RETNLB: variants seen among roughly 807,000 people sequenced by gnomAD.
The protein encoded by RETNLB is resistin like beta.
RETNLB carries 11 observed loss-of-function variants against 6.8 expected under a neutral mutation model. The ratio of observed to expected loss-of-function variants is 1.62; its 90% CI spans 1.02 to 2.68. The LOEUF (loss-of-function observed/expected upper bound fraction) is 2.68, where lower values mean the gene tolerates loss of function less well. Ranked by LOEUF, RETNLB falls within the 30% of genes most tolerant of loss-of-function variation. The pLI is 0.00. For synonymous variants in RETNLB, 57 were observed against 54.2 expected (o/e 1.05, Z -0.23); for missense variants, 146 against 135.7 (o/e 1.08, Z -0.38).
chr3:108,757,125 C>G lies in RETNLB; in HGVS notation c.61G>C (p.Gly21Arg). The G allele has an allele frequency of 6.2e-7, 1 of 1,613,284 alleles. No homozygotes were observed. Among genetic ancestry groups the G allele is most frequent in the Non-Finnish European group, 8.5e-7 (1 of 1,179,682 alleles). The stretch of plus-strand genomic sequence containing the variant: ...GAGTCTAAGGAACACTGAGTACTCC[C>G]CGGGTTGATCAGCTGGAGAAGGGGG... ...LIPLLQLINP[G>R]STQCSLDSVM... Residue 21 changes from glycine to arginine, a missense_variant, in exon 1 of 3, where the codon GGG becomes CGG. Gly to Arg is a moderately radical substitution (Grantham distance 125). Transcript: ENST00000295755.
In RETNLB at chr3:108,755,924, C is replaced by T. The variant is rs1409659637; in HGVS notation, c.209-19G>A. The T allele has an allele frequency of 1.1e-5, 17 of 1,613,992 alleles. No homozygotes were observed. Among genetic ancestry groups the T allele is most frequent in the Non-Finnish European group, 1.4e-5 (17 of 1,179,998 alleles). On this transcript the variant is annotated intron_variant, in intron 2 of 2. Transcript: ENST00000295755. ...GCCATCCCTGCATGAGCACATGAAG[C>T]ACAGACATCAGAGCTCTTGGAATTT...
chr3:108,756,204 G>A (rs1431803154), intron 2 of RETNLB, among the ~76,000 whole-genome samples: 1 of 152,150 alleles, frequency 6.6e-6, no homozygotes, highest in Non-Finnish European at 1.5e-5. Context: ...CAAAACAGAG[G>A]AATAGATTGG....
At chr3:108,756,806 A>G (rs1271013320) in intron 1 of RETNLB, 1 of 593,976 alleles carries the variant, frequency 1.7e-6, no homozygotes, top group African/African-American at 1.9e-5. Flanking sequence ...ATCTACGTAA[A>G]ACTTGGATTA....
At chr3:108,756,718 G>T (rs1413382153) in intron 1 of RETNLB, 130 bp from the exon 2 acceptor site, 1 of 677,734 alleles carries the variant, frequency 1.5e-6, no homozygotes, top group East Asian at 2.7e-5. Context: ...CAGCTTTTAA[G>T]GTTAGTTTCC....
chr3:108,756,563 C>CT lies in RETNLB; in HGVS notation c.152dup (p.Lys52GlufsTer6). On this transcript the variant is annotated frameshift_variant, in exon 2 of 3. Transcript: ENST00000295755. LOFTEE classifies it high-confidence loss of function. The stretch of plus-strand genomic sequence containing the variant: ...TTTTGACACTAGCACACGAGAGCTT[C>CT]TTGCTTATAGGAGAGGGACTGTACT... 1 of 1,613,282 alleles carries CT rather than the reference C, an allele frequency of 6.2e-7. No individual in the cohort carries two copies. The highest frequency in any genetic ancestry group is 8.5e-7 in the Non-Finnish European group (1 of 1,179,278).
chr3:108,756,565 T>G lies in RETNLB; in HGVS notation c.151A>C (p.Lys51Gln), dbSNP rs2107482629. Residue 51 changes from lysine to glutamine, a missense_variant, in exon 2 of 3, where the codon AAG becomes CAG. Transcript: ENST00000295755. Reference sequence around the variant, plus strand: ...TTGACACTAGCACACGAGAGCTTCTTGCTTATAGGAGAGGGACTGTACTCT... The same window carrying G: ...TTGACACTAGCACACGAGAGCTTCTGGCTTATAGGAGAGGGACTGTACTCT... ...SLEYSPSPIS[K>Q]KLSCASVKSQ... The G allele has an allele frequency of 2.5e-6, 4 of 1,613,114 alleles. No homozygotes were observed. In the Middle Eastern group the frequency reaches 5.0e-4, roughly 200 times the overall value.
rs1576500341 is a variant in RETNLB at position 108,756,846 on chromosome 3, T to C, written c.127+213A>G. The C allele has an allele frequency of 6.6e-6, 4 of 605,320 alleles. No individual in the cohort carries two copies. In the East Asian group the frequency reaches 1.1e-4, roughly 17 times the overall value. 37.5% of individuals were successfully genotyped at this position (605,320 alleles called of 1,614,324 possible). A position where few individuals can be genotyped will look rare whatever the true frequency, so the allele number is the denominator to read the frequency against. ...TGGTTCATAATGAGTGTTCATAAAT[T>C]ACAGCTACCATTCTCCTCCACCTCT... On this transcript the variant is annotated intron_variant, in intron 1 of 2. Transcript: ENST00000295755.
Position 108,757,050 on chromosome 3 carries a change from G to A in RETNLB, c.127+9C>T. 6.2e-7 allele frequency: 1 copy of A among 1,612,372 alleles called. No homozygotes were observed. The highest frequency in any genetic ancestry group is 8.5e-7 in the Non-Finnish European group (1 of 1,179,040). Reference sequence around the variant, plus strand: ...TCAACCCCCCGCTTCCCCTACCCCAGTCAGTTACCTAGACTGTTGAGAACA... The same window carrying A: ...TCAACCCCCCGCTTCCCCTACCCCAATCAGTTACCTAGACTGTTGAGAACA... On this transcript the variant is annotated intron_variant, in intron 1 of 2. Coordinates refer to ENST00000295755, the MANE Select transcript of RETNLB (RefSeq NM_032579.3).
chr3:108,756,402 C>T (rs1257573843), intron 2 of RETNLB, 106 bp downstream of exon 2: 2 of 789,582 alleles, frequency 2.5e-6, no homozygotes, highest in Admixed American at 1.9e-5. Flanking sequence ...CCCCAGGGTG[C>T]CAGGGTGATA....
In RETNLB at chr3:108,757,073, A is replaced by C. The variant is rs756736613; in HGVS notation, c.113T>G (p.Val38Gly). 7 of 1,613,582 alleles carry C rather than the reference A, an allele frequency of 4.3e-6. No homozygotes were observed. Among genetic ancestry groups the C allele is most frequent in the Admixed American group, 1.7e-5 (1 of 59,962 alleles). The change falls in exon 1 of 3, where the codon GTT becomes GGT. Residue 38 changes from valine (V) to glycine (G), a missense_variant. Physicochemically the swap from Val to Gly is moderately radical, Grantham distance 109 (BLOSUM62 -3). Coordinates refer to ENST00000295755, the MANE Select transcript of RETNLB (RefSeq NM_032579.3). ...DSVMDKKIKD[V>G]LNSLEYSPSP... is the part of the protein sequence containing the mutation. ...CAGTCAGTTACCTAGACTGTTGAGA[A>C]CATCCTTGATCTTCTTATCCATAAC...
chr3:108,756,060 A>C (rs1249161626), intron 2 of RETNLB, among the ~76,000 whole-genome samples, 155 bp from the exon 3 acceptor site: 1 of 152,208 alleles, frequency 6.6e-6, no homozygotes, highest in Non-Finnish European at 1.5e-5. Context: ...ATTTCAAGAA[A>C]AGAAATACAG....
rs1267641495 is a variant in RETNLB at position 108,757,125 on chromosome 3, C to T, written c.61G>A (p.Gly21Arg). The T allele has an allele frequency of 6.2e-7, 1 of 1,613,164 alleles. No homozygotes were observed. The highest frequency in any genetic ancestry group is 2.2e-5 in the East Asian group (1 of 44,876). ...LIPLLQLINP[G>R]STQCSLDSVM... ...GAGTCTAAGGAACACTGAGTACTCC[C>T]CGGGTTGATCAGCTGGAGAAGGGGG... Residue 21 changes from glycine to arginine, a missense_variant, in exon 1 of 3, where the codon GGG becomes AGG. Physicochemically the swap from Gly to Arg is moderately radical, Grantham distance 125. Coordinates refer to ENST00000295755, the MANE Select transcript of RETNLB (RefSeq NM_032579.3).
Position 108,755,750 on chromosome 3 carries a change from C to G in RETNLB, c.*28G>C, listed in dbSNP as rs535203636. The G allele has an allele frequency of 6.2e-7, 1 of 1,610,056 alleles. No individual in the cohort carries two copies. The highest frequency in any genetic ancestry group is 1.1e-5 in the South Asian group (1 of 90,970). ...CCTGGTTTCATTACTGTCATGGTCA[C>G]AAAACTGAGTTCTCAGCCTCCTCCC... On this transcript the variant is annotated 3_prime_UTR_variant, in exon 3 of 3. Coordinates refer to ENST00000295755, the MANE Select transcript of RETNLB (RefSeq NM_032579.3).
intron 2 of RETNLB, 114 bp downstream of exon 2, chr3:108,756,394 C>G (rs1218365728): frequency 1.3e-6 from 1 of 741,608 alleles, no homozygotes; most frequent in African/African-American, 1.7e-5. Context: ...TGACTCAGCC[C>G]CAGGGTGCCA....
At position 108,756,543 on chromosome 3, in the gene RETNLB, A is replaced by T. The variant is rs1945251501; in HGVS notation, c.173T>A (p.Val58Asp). 6.2e-7 allele frequency: 1 copy of T among 1,613,508 alleles called. No homozygotes were observed. Among genetic ancestry groups the T allele is most frequent in the African/African-American group, 1.3e-5 (1 of 74,904 alleles). Residue 58 changes from valine to aspartate, a missense_variant, in exon 2 of 3, where the codon GTC becomes GAC. Val to Asp is a radical substitution (Grantham distance 152). Coordinates refer to ENST00000295755, the MANE Select transcript of RETNLB (RefSeq NM_032579.3). ...PISKKLSCASVKSQGRPSSCP... is the reference protein window; with the variant it reads ...PISKKLSCASDKSQGRPSSCP... ...GGAGGACGGTCTGCCTTGGCTTTTG[A>T]CACTAGCACACGAGAGCTTCTTGCT... is the stretch of plus-strand genomic sequence containing the variant.
chr3:108,757,222 G>T lies in RETNLB; in HGVS notation c.-37C>A, dbSNP rs1266583104. ...TCAGTGTCCTGGGGCTGGGAGAAAA[G>T]ATGGAAAGCAGCTTAGATCTCTGAG... On this transcript the variant is annotated 5_prime_UTR_variant, in exon 1 of 3. Transcript: ENST00000295755. 6.3e-7 allele frequency: 1 copy of T among 1,592,896 alleles called. No homozygotes were observed. Among genetic ancestry groups the T allele is most frequent in the Non-Finnish European group, 8.6e-7 (1 of 1,168,872 alleles).
Position 108,755,718 on chromosome 3 carries a change from T to C in RETNLB, c.*60A>G. 1 of 1,585,288 alleles carries C rather than the reference T, an allele frequency of 6.3e-7. No individual in the cohort carries two copies. The highest frequency in any genetic ancestry group is 1.1e-5 in the South Asian group (1 of 89,112). On this transcript the variant is annotated 3_prime_UTR_variant, in exon 3 of 3. Transcript: ENST00000295755. ...GGGACGTTTGAGTTAGATTTCTTGG[T>C]TGGGACCCTGGTTTCATTACTGTCA...
At position 108,756,651 on chromosome 3, in the gene RETNLB, C is replaced by A. The variant is rs958729412; in HGVS notation, c.128-63G>T. Reference sequence around the variant, plus strand: ...ATCCTCCCCATAATCCCCTTATCCCCTTCCAAATTGTCTTCTACCTTGGAG... The same window carrying A: ...ATCCTCCCCATAATCCCCTTATCCCATTCCAAATTGTCTTCTACCTTGGAG... On this transcript the variant is annotated intron_variant, in intron 1 of 2. Coordinates refer to ENST00000295755, the MANE Select transcript of RETNLB (RefSeq NM_032579.3). The A allele has an allele frequency of 9.2e-6, 11 of 1,190,400 alleles. No individual in the cohort carries two copies. The Admixed American group carries it at 1.2e-4, about 13-fold the overall frequency. 73.7% of individuals were successfully genotyped at this position (1,190,400 alleles called of 1,614,324 possible).
Position 108,755,781 on chromosome 3 carries a change from G to T in RETNLB, c.333C>A (p.Thr111=). ...DWTTARCCHL[T] The stretch of plus-strand genomic sequence containing the variant: ...TGAGTTCTCAGCCTCCTCCCTGTCA[G>T]GTCAGGTGGCAGCAGCGGGCAGTGG... Residue 111 remains threonine (T), a synonymous_variant, in exon 3 of 3, where the codon ACC becomes ACA. Coordinates refer to ENST00000295755, the MANE Select transcript of RETNLB (RefSeq NM_032579.3). The T allele has an allele frequency of 1.9e-6, 3 of 1,613,864 alleles. No individual in the cohort carries two copies. Among genetic ancestry groups the T allele is most frequent in the Non-Finnish European group, 2.5e-6 (3 of 1,179,794 alleles).
Sources: allele counts gnomAD v4.1 joint callset (sites outside exome capture counted in the v4.1 genomes callset), GRCh38; gene constraint gnomAD v4.1.1; transcripts MANE v1.5; gene names NCBI Gene and HGNC (gene_info 2026-07-23, HGNC 2026-07-21).